The following RPS6KA2 variants were observed in gnomAD, a reference collection of about 807,000 sequenced individuals.
RPS6KA2 encodes the protein ribosomal protein S6 kinase A2.
In RPS6KA2, 42 loss-of-function variants were observed where a neutral mutation model predicts 91.8. The ratio of observed to expected loss-of-function variants is 0.46; its 90% CI spans 0.36 to 0.59. The LOEUF (loss-of-function observed/expected upper bound fraction) is 0.59, where lower values mean the gene tolerates loss of function less well. RPS6KA2 is among the 20% of genes least tolerant of loss of function. RPS6KA2 has a pLI of 0.00. For synonymous variants in RPS6KA2, 414 were observed against 393.6 expected (o/e 1.05, Z -0.61); for missense variants, 798 against 978.5 (o/e 0.82, Z 2.46).
At chr6:166,701,806 TTCC>T (rs1789529150) in intron 2 of RPS6KA2, 2 of 932,386 alleles carry the variant, frequency 2.1e-6, no homozygotes, top group Non-Finnish European at 3.5e-6. Flanking sequence ...TCATGATCTC[TTCC>T]TCAGCTTTGG....
chr6:166,745,914 G>A (rs777958687), intron 2 of RPS6KA2, among the ~76,000 whole-genome samples: 8 of 152,178 alleles, frequency 5.3e-5, no homozygotes, highest in Non-Finnish European at 1.0e-4. Flanking sequence ...GAGCTGTCAG[G>A]CCCAACAGAA....
At position 166,654,825 on chromosome 6, in the gene RPS6KA2, T is replaced by C. The variant is rs186002427; in HGVS notation, c.124-116041A>G. On this transcript the variant is annotated intron_variant, in intron 2 of 21. Transcript: ENST00000503859. Reference sequence around the variant, plus strand: ...AGACCTGTCATGTCAACTTGCACCATTGTGGGAGACACTCGCTTCTGCCTG... The same window carrying C: ...AGACCTGTCATGTCAACTTGCACCACTGTGGGAGACACTCGCTTCTGCCTG... Among the ~76,000 whole-genome samples the C allele has an allele frequency of 7.9e-5, 12 of 152,306 alleles. No individual in the cohort carries two copies. In the East Asian group the frequency reaches 1.7e-3, roughly 22 times the overall value.
intron 2 of RPS6KA2, among the ~76,000 whole-genome samples, chr6:166,684,266 C>T (rs548640026): frequency 6.6e-6 from 1 of 152,308 alleles, no homozygotes; most frequent in East Asian, 1.9e-4. Context: ...GGCATTACCG[C>T]CCCTTTTCAT....
intron 1 of RPS6KA2, among the ~76,000 whole-genome samples, chr6:166,564,030 C>T (rs1291552816): frequency 1.1e-4 from 17 of 152,180 alleles, no homozygotes. Flanking sequence ...TGAGTAGGAA[C>T]AGTTTGCAGA....
intron 10 of RPS6KA2, among the ~76,000 whole-genome samples, chr6:166,485,320 C>T (rs1161157703): frequency 1.3e-5 from 2 of 152,216 alleles, no homozygotes; most frequent in Non-Finnish European, 2.9e-5. Context: ...AAATGGCATG[C>T]AAAGATGCTT....
chr6:166,528,003 C>T (rs1783128289), intron 3 of RPS6KA2, among the ~76,000 whole-genome samples: 1 of 152,166 alleles, frequency 6.6e-6, no homozygotes, highest in East Asian at 1.9e-4. Flanking sequence ...TTGGCTGGTG[C>T]TGCCATGAAC....
rs75564524 is a variant in RPS6KA2, at chr6:166,560,354, C to T, written c.100-21570G>A. Among the ~76,000 whole-genome samples the T allele has an allele frequency of 6.2e-3, 941 of 152,296 alleles. 13 individuals carry two copies. The highest frequency in any genetic ancestry group is 8.4e-3 in the Non-Finnish European group (574 of 68,034). The stretch of plus-strand genomic sequence containing the variant: ...ATTTCTTTTAAGGTCTTAACAAGTA[C>T]CTTGCAATACAATAAATAATAACCA... On this transcript the variant is annotated intron_variant, in intron 1 of 20. Transcript: ENST00000265678.
chr6:166,796,046 T>C (rs1362654792), intron 2 of RPS6KA2, among the ~76,000 whole-genome samples: 5 of 151,834 alleles, frequency 3.3e-5, no homozygotes, highest in Non-Finnish European at 7.4e-5. Context: ...TCAGAGCTTT[T>C]CTTATCTGAC....
intron 2 of RPS6KA2, among the ~76,000 whole-genome samples, chr6:166,814,376 A>G (rs188246666): frequency 2.6e-4 from 39 of 152,354 alleles, no homozygotes; most frequent in Admixed American, 1.0e-3. Context: ...CTGAAGTTAA[A>G]GGAAAACATC....
At chr6:166,522,339 T>C (rs913849770) in intron 3 of RPS6KA2, among the ~76,000 whole-genome samples, 47 of 152,332 alleles carry the variant, frequency 3.1e-4, no homozygotes, top group African/African-American at 1.1e-3. Context: ...GGGGACGTAG[T>C]GGATGCCGCA....
chr6:166,777,847 G>A (rs1341252658), intron 2 of RPS6KA2, among the ~76,000 whole-genome samples: 1 of 151,470 alleles, frequency 6.6e-6, no homozygotes, highest in African/African-American at 2.4e-5. Flanking sequence ...GAGAGAGAGA[G>A]AAAAGAGAAG....
At chr6:166,616,009 C>A (rs973121997) in intron 1 of RPS6KA2, among the ~76,000 whole-genome samples, 1 of 152,172 alleles carries the variant, frequency 6.6e-6, no homozygotes, top group African/African-American at 2.4e-5. Flanking sequence ...ATCCCTGTAA[C>A]AGCAGTCCCT....
chr6:166,812,037 A>G (rs1227563654), intron 2 of RPS6KA2, among the ~76,000 whole-genome samples: 2 of 152,188 alleles, frequency 1.3e-5, no homozygotes, highest in Non-Finnish European at 2.9e-5. Context: ...GGCTGTCATC[A>G]TCTCATCCTG....
chr6:166,736,978 G>C (rs986539080), intron 2 of RPS6KA2, among the ~76,000 whole-genome samples: 1 of 144,340 alleles, frequency 6.9e-6, no homozygotes, highest in African/African-American at 2.5e-5. Flanking sequence ...AACCATAACC[G>C]ATGCAGGGGG....
chr6:166,510,512 T>G (rs1782426628), intron 3 of RPS6KA2, among the ~76,000 whole-genome samples, 155 bp from the exon 4 acceptor site: 1 of 134,890 alleles, frequency 7.4e-6, no homozygotes, highest in South Asian at 2.4e-4. Flanking sequence ...AATCCTAGAT[T>G]TAACAACTGC....
intron 3 of RPS6KA2, among the ~76,000 whole-genome samples, chr6:166,529,855 A>G (rs1783204011): frequency 6.6e-6 from 1 of 152,218 alleles, no homozygotes; most frequent in Admixed American, 6.5e-5. Context: ...AAAGTGGTCA[A>G]CTTCTGCATT....
intron 1 of RPS6KA2, among the ~76,000 whole-genome samples, chr6:166,571,308 C>T (rs887201029): frequency 1.3e-5 from 2 of 152,196 alleles, no homozygotes; most frequent in Admixed American, 6.5e-5. Flanking sequence ...CGCTGACACA[C>T]ACAACACAGA....
At chr6:166,614,343 G>A (rs111941657) in intron 1 of RPS6KA2, among the ~76,000 whole-genome samples, 93 of 152,238 alleles carry the variant, frequency 6.1e-4, no homozygotes, top group African/African-American at 2.0e-3. Flanking sequence ...GCCCTCTATC[G>A]TAATACCTCG....
At chr6:166,729,088 C>T (rs1790433932) in intron 2 of RPS6KA2, among the ~76,000 whole-genome samples, 1 of 152,248 alleles carries the variant, frequency 6.6e-6, no homozygotes. Context: ...GCTCTTCCCT[C>T]TCATCGCTCC....
Sources: gnomAD v4.1 joint callset for allele counts (sites outside exome capture counted in the v4.1 genomes callset) on GRCh38, gnomAD v4.1.1 for gene constraint, MANE v1.5 for transcripts, NCBI Gene and HGNC (gene_info 2026-07-23, HGNC 2026-07-21) for gene names.